The following RHBDF2 variants were observed in gnomAD, a reference collection of about 807,000 sequenced individuals.
RHBDF2 encodes the protein inactive rhomboid protein 2.
RHBDF2 carries 38 observed loss-of-function variants against 95.2 expected under a neutral mutation model. That is an observed-to-expected ratio of 0.40 (90% CI 0.31 to 0.52). The LOEUF is 0.52. Ranked by LOEUF, RHBDF2 falls within the 20% of genes least tolerant of loss-of-function variation. The pLI, the probability that RHBDF2 is intolerant of heterozygous loss-of-function variation, is 0.56. For synonymous variants in RHBDF2, 442 were observed against 462.0 expected (o/e 0.96, Z 0.55); for missense variants, 863 against 1,137.7 (o/e 0.76, Z 3.47).
In RHBDF2 at chr17:76,474,073, G is replaced by A. The variant is rs1272564881; in HGVS notation, c.1534C>T (p.Gln512Ter). 1.2e-6 allele frequency: 2 copies of A among 1,612,866 alleles called. No homozygotes were observed. The highest frequency in any genetic ancestry group is 1.1e-5 in the South Asian group (1 of 91,036). The stretch of plus-strand genomic sequence containing the variant: ...CAGACAGCCCCCGAAGTCCGCTTCT[G>A]GCCCAGATCAGACTTGTCCATGGGG... ...GPPMDKSDLG[Q>*]KRTSGAVCHQ... is the part of the protein sequence containing the mutation. Residue 512 changes from glutamine (Q) to a stop codon, truncating the protein, a stop_gained, in exon 13 of 19, where the codon CAG (glutamine) becomes TAG (stop). Transcript: ENST00000675367. LOFTEE classifies it high-confidence loss of function.
intron 18 of RHBDF2, chr17:76,472,390 C>CAG: frequency 1.7e-6 from 1 of 574,162 alleles, no homozygotes. Context: ...GCCGACGGCG[C>CAG]ACGGAGGCCA....
intron 2 of RHBDF2, among the ~76,000 whole-genome samples, chr17:76,485,570 GGCGACAGAGTGA>G (rs2074103244): frequency 6.6e-6 from 1 of 151,516 alleles, no homozygotes; most frequent in South Asian, 2.1e-4. Context: ...CTCCAGCCTG[GGCGACAGAGTGA>G]GACTCCGTCT....
Position 76,471,725 on chromosome 17 carries a change from G to A in RHBDF2, c.2392C>T (p.Pro798Ser). The change falls in exon 19 of 19, where the codon CCC (proline) becomes TCC (serine). Residue 798 changes from proline (P) to serine (S), a missense_variant. Physicochemically the swap from Pro to Ser is moderately conservative, Grantham distance 74. Around this residue, in one of 2 missense-constraint regions of RHBDF2, gnomAD observed 252 missense variants for 412.2 expected, o/e 0.61. Transcript: ENST00000675367. The part of the protein sequence containing the change: ...AALVLWLYIY[P>S]INWPWIEHLT... ...TGCTCGATCCAGGGCCAGTTAATGGGGTAGATGTACAGCCACAGCACGAGG... is the reference window on the plus strand; with the variant it reads ...TGCTCGATCCAGGGCCAGTTAATGGAGTAGATGTACAGCCACAGCACGAGG... The A allele has an allele frequency of 1.9e-6, 3 of 1,611,376 alleles. No individual in the cohort carries two copies. The highest frequency in any genetic ancestry group is 2.5e-6 in the Non-Finnish European group (3 of 1,178,894).
chr17:76,492,495 G>C (rs1046476925), intron 1 of RHBDF2, among the ~76,000 whole-genome samples: 4 of 152,180 alleles, frequency 2.6e-5, no homozygotes, highest in African/African-American at 9.7e-5. Flanking sequence ...GCCACCCCCA[G>C]GGAGGTCCCC....
At chr17:76,499,846 G>T (rs1037077749) in intron 1 of RHBDF2, among the ~76,000 whole-genome samples, 9 of 146,368 alleles carry the variant, frequency 6.1e-5, no homozygotes, top group Non-Finnish European at 1.2e-4. Context: ...CCTCAGCCCA[G>T]CCTTCCTGGG....
At chr17:76,475,543 T>C (rs2073743587) in intron 9 of RHBDF2, among the ~76,000 whole-genome samples, 1 of 151,546 alleles carries the variant, frequency 6.6e-6, no homozygotes, top group Non-Finnish European at 1.5e-5. Context: ...TCTATCCTCC[T>C]CCGGGACACC....
chr17:76,500,736 T>G (rs952492562), intron 1 of RHBDF2, among the ~76,000 whole-genome samples: 1 of 152,142 alleles, frequency 6.6e-6, no homozygotes, highest in South Asian at 2.1e-4. Context: ...TGGGGGAACA[T>G]CCGAGGGGCC....
At chr17:76,480,690 T>C (rs2073938636) in intron 3 of RHBDF2, among the ~76,000 whole-genome samples, 1 of 152,152 alleles carries the variant, frequency 6.6e-6, no homozygotes, top group South Asian at 2.1e-4. Flanking sequence ...CCCAGCCTCA[T>C]TCTGAATTTA....
Position 76,477,192 on chromosome 17 carries a change from ACCC to A in RHBDF2, c.905_907del (p.Gly302del), listed in dbSNP as rs1346752935. ...CCCCAGCACTCACAGAGGGATTTGC[ACCC>A]CATCGGGGGAGACAGGGGAGGCTGA... On this transcript the variant is annotated inframe_deletion, in exon 8 of 19. Transcript: ENST00000675367. 6.2e-7 allele frequency: 1 copy of A among 1,611,772 alleles called. No individual in the cohort carries two copies. The highest frequency in any genetic ancestry group is 2.2e-5 in the East Asian group (1 of 44,832).
chr17:76,479,393 G>A (rs924359762), intron 4 of RHBDF2, 116 bp from the exon 5 acceptor site: 68 of 1,426,592 alleles, frequency 4.8e-5, no homozygotes, highest in Middle Eastern at 1.7e-4. Flanking sequence ...GGTGGGGGGC[G>A]GATCTGCCTG....
Position 76,481,393 on chromosome 17 carries a change from C to T in RHBDF2, c.132G>A (p.Gln44=), listed in dbSNP as rs568574351. ...PEKETQAPGE[Q]DSMLPERKNP... ...CCCTTACCTCAGGCAGCATGCTGTC[C>T]TGCTCGCCAGGGGCCTGGGTCTCTT... The change falls in exon 3 of 19, where the codon CAG becomes CAA. Residue 44 remains glutamine, a synonymous_variant. Transcript: ENST00000675367. 1 of 1,612,360 alleles carries T rather than the reference C, an allele frequency of 6.2e-7. No individual in the cohort carries two copies.
At chr17:76,477,836 G>GC in intron 6 of RHBDF2, 51 bp from the exon 7 acceptor site, 2 of 1,590,426 alleles carry the variant, frequency 1.3e-6, no homozygotes, top group South Asian at 2.2e-5. Flanking sequence ...GGCCACCTAG[G>GC]CCCCCAGCCC....
intron 13 of RHBDF2, 56 bp from the exon 14 acceptor site, chr17:76,473,958 C>T (rs2073677498): frequency 1.9e-6 from 3 of 1,607,184 alleles, no homozygotes; most frequent in South Asian, 2.2e-5. Flanking sequence ...CGTCCACCTA[C>T]CCACGTCCCT....
chr17:76,472,470 A>G lies in RHBDF2; in HGVS notation c.2064+216T>C, dbSNP rs12942767. On this transcript the variant is annotated intron_variant, in intron 18 of 18. Transcript: ENST00000675367. The stretch of plus-strand genomic sequence containing the variant: ...GTGGGCACGGTTAGGAAGATAAATG[A>G]GGCGGTGGAGGGACAGGGTGACTCA... 615,320 of 657,042 alleles carry G rather than the reference A, an allele frequency of 0.94. 290,924 individuals carry two copies. The highest frequency in any genetic ancestry group is 0.98 in the Non-Finnish European group (359,817 of 365,710). The allele number at this position is 657,042 out of a possible 1,614,324, so 40.7% of individuals were successfully genotyped here.
chr17:76,489,120 C>T (rs942585462), intron 1 of RHBDF2, among the ~76,000 whole-genome samples: 10 of 151,854 alleles, frequency 6.6e-5, no homozygotes, highest in Non-Finnish European at 1.0e-4. Context: ...AGCAAGACTC[C>T]GTCTCGAAAC....
Position 76,473,363 on chromosome 17 carries a change from C to T in RHBDF2, c.1734-36G>A, listed in dbSNP as rs370291557. 66 of 1,564,482 alleles carry T rather than the reference C, an allele frequency of 4.2e-5. No individual in the cohort carries two copies. The African/African-American group carries it at 5.3e-4, about 13-fold the overall frequency. On this transcript the variant is annotated intron_variant, in intron 15 of 18. Coordinates refer to ENST00000675367, the MANE Select transcript of RHBDF2 (RefSeq NM_001005498.4). ...GGTGAGGCAAGAGGGGACATCAGGGCGCCGAATAACCACTGCCCACCTTTG... is the reference window on the plus strand; with the variant it reads ...GGTGAGGCAAGAGGGGACATCAGGGTGCCGAATAACCACTGCCCACCTTTG...
At chr17:76,485,538 A>C (rs1598687228) in intron 2 of RHBDF2, among the ~76,000 whole-genome samples, 2 of 111,980 alleles carry the variant, frequency 1.8e-5, no homozygotes, top group East Asian at 4.3e-4. Flanking sequence ...GTGAGCCGAG[A>C]TCTCGCCACT....
intron 9 of RHBDF2, 31 bp downstream of exon 9, chr17:76,476,799 C>T (rs1321626615): frequency 6.4e-7 from 1 of 1,554,650 alleles, no homozygotes; most frequent in Non-Finnish European, 8.7e-7. Context: ...ACCTTCCAGG[C>T]TCTCCTGGGG....
chr17:76,471,576 C>T lies in RHBDF2; in HGVS notation c.*57G>A. On this transcript the variant is annotated 3_prime_UTR_variant, in exon 19 of 19. Transcript: ENST00000675367. ...ACAGAGAGCGCTCTGCAGAGGGCAG[C>T]CCTCGCAGGCAGACCCTGTTCCAGC... 2.0e-6 allele frequency: 3 copies of T among 1,495,656 alleles called. No individual in the cohort carries two copies. Among genetic ancestry groups the T allele is most frequent in the Non-Finnish European group, 2.7e-6 (3 of 1,116,694 alleles). 92.6% of individuals were successfully genotyped at this position (1,495,656 alleles called of 1,614,324 possible).
Sources: gnomAD v4.1 joint callset for allele counts (sites outside exome capture counted in the v4.1 genomes callset) on GRCh38, gnomAD v4.1.1 for gene constraint, gnomAD v4.1.1 regional missense constraint, MANE v1.5 for transcripts, NCBI Gene and HGNC (gene_info 2026-07-23, HGNC 2026-07-21) for gene names.